The following TBC1D4 variants were observed in gnomAD, a reference collection of about 807,000 sequenced individuals.
TBC1D4 encodes the protein TBC (Tre-2, BUB2, CDC16) domain-containing protein.
Under a neutral mutation model 142.5 loss-of-function variants are expected in TBC1D4, and 121 were observed. That is an observed-to-expected ratio of 0.85 (90% CI 0.73 to 0.99). TBC1D4 has a LOEUF of 0.99. Ranked by LOEUF, TBC1D4 falls within the 50% of genes least tolerant of loss-of-function variation. The pLI is 0.00. For synonymous variants in TBC1D4, 630 were observed against 628.2 expected, an observed-to-expected ratio of 1.00 and a Z score of -0.04; for missense variants, 1,475 against 1,606.6, an observed-to-expected ratio of 0.92 and a Z score of 1.40.
At chr13:75,301,036 T>G (rs1228095528) in intron 16 of TBC1D4, among the ~76,000 whole-genome samples, 1 of 152,222 alleles carries the variant, frequency 6.6e-6, no homozygotes, top group Admixed American at 6.5e-5. Flanking sequence ...AAGAGCCATT[T>G]GTCATCCAAA....
chr13:75,409,315 A>G (rs1885488848), intron 1 of TBC1D4, among the ~76,000 whole-genome samples: 1 of 152,222 alleles, frequency 6.6e-6, no homozygotes, highest in Admixed American at 6.5e-5. Flanking sequence ...TTCTACAACA[A>G]AACCTTTTCT....
At chr13:75,444,127 C>A (rs562101003) in intron 1 of TBC1D4, among the ~76,000 whole-genome samples, 3 of 152,204 alleles carry the variant, frequency 2.0e-5, no homozygotes, top group African/African-American at 7.2e-5. Context: ...TGATACAATT[C>A]TTTTTTCTTT....
chr13:75,347,207 T>A (rs1881220543), intron 5 of TBC1D4, among the ~76,000 whole-genome samples: 1 of 152,218 alleles, frequency 6.6e-6, no homozygotes, highest in South Asian at 2.1e-4. Context: ...CTGATGAGTA[T>A]CTTATTGTTG....
chr13:75,356,452 C>T (rs1350819118), intron 3 of TBC1D4, among the ~76,000 whole-genome samples: 1 of 152,164 alleles, frequency 6.6e-6, no homozygotes, highest in Non-Finnish European at 1.5e-5. Flanking sequence ...CCAACTCAGA[C>T]TGTTTTGCTT....
intron 1 of TBC1D4, among the ~76,000 whole-genome samples, chr13:75,461,158 TCTG>T (rs1313241050): frequency 6.6e-6 from 1 of 152,218 alleles, no homozygotes; most frequent in African/African-American, 2.4e-5. Flanking sequence ...ATCTAACTAT[TCTG>T]CTGTATATTT....
rs530953510 is a variant in TBC1D4, at chr13:75,466,897, T to TA, written c.498+14372dup. 2.6e-3 allele frequency among the ~76,000 whole-genome samples: 383 copies of TA among 147,422 alleles called. 2 individuals are homozygous for TA. The highest frequency in any genetic ancestry group is 4.4e-3 in the Non-Finnish European group (296 of 66,590). On this transcript the variant is annotated intron_variant, in intron 1 of 20. Coordinates refer to ENST00000377636, the MANE Select transcript of TBC1D4 (RefSeq NM_014832.5). Reference sequence around the variant, plus strand: ...AAAAAAATAATAATAATTTAAAAATTAAAAAAAAAACATCTGAAAAATGTA... The same window carrying TA: ...AAAAAAATAATAATAATTTAAAAATTAAAAAAAAAAACATCTGAAAAATGTA...
intron 13 of TBC1D4, among the ~76,000 whole-genome samples, chr13:75,310,522 G>C (rs955802454): frequency 6.6e-6 from 1 of 152,168 alleles, no homozygotes; most frequent in Non-Finnish European, 1.5e-5. Flanking sequence ...AGTGATCTCC[G>C]AAGGTCTACA....
chr13:75,336,003 C>T (rs898875623), intron 8 of TBC1D4, among the ~76,000 whole-genome samples: 7 of 151,998 alleles, frequency 4.6e-5, no homozygotes, highest in African/African-American at 1.7e-4. Flanking sequence ...ATTCTATTTC[C>T]CCTTTTCTAT....
chr13:75,462,358 A>T (rs940912714), intron 1 of TBC1D4, among the ~76,000 whole-genome samples: 5 of 152,106 alleles, frequency 3.3e-5, no homozygotes, highest in African/African-American at 1.2e-4. Flanking sequence ...CAAATTGTAC[A>T]TTACCTCAAA....
In TBC1D4 at chr13:75,341,531, C is replaced by T; in HGVS notation, c.1465G>A (p.Asp489Asn). ...VIQRHLSSLT[D>N]NEQADIFERV... Reference sequence around the variant, plus strand: ...TCAAAGATGTCAGCTTGCTCATTATCTGTCAGTGATGAGAGATGCCTCTGT... The same window carrying T: ...TCAAAGATGTCAGCTTGCTCATTATTTGTCAGTGATGAGAGATGCCTCTGT... The change falls in exon 6 of 21, where the codon GAT becomes AAT. Residue 489 changes from aspartate (D) to asparagine (N), a missense_variant. By Grantham distance (23) the Asp-to-Asn change is conservative. Coordinates refer to ENST00000377636, the MANE Select transcript of TBC1D4 (RefSeq NM_014832.5). The T allele has an allele frequency of 6.2e-7, 1 of 1,614,030 alleles. No homozygotes were observed. Among genetic ancestry groups the T allele is most frequent in the South Asian group, 1.1e-5 (1 of 91,064 alleles).
At chr13:75,422,981 A>C (rs1190115035) in intron 1 of TBC1D4, among the ~76,000 whole-genome samples, 1 of 152,222 alleles carries the variant, frequency 6.6e-6, no homozygotes, top group African/African-American at 2.4e-5. Context: ...TAAACTTCAT[A>C]AATGAGGCCA....
chr13:75,318,268 T>C (rs995300988), intron 12 of TBC1D4, among the ~76,000 whole-genome samples: 8 of 152,274 alleles, frequency 5.3e-5, no homozygotes, highest in Admixed American at 4.6e-4. Context: ...GGTGGTGTTA[T>C]ACTGAGCAGC....
chr13:75,444,642 G>T lies in TBC1D4; in HGVS notation c.498+36628C>A, dbSNP rs140897836. ...TAAAACAACAATGGTACATTCTCCA[G>T]CTTTTCTGTAAGCCACCTTAACACT... On this transcript the variant is annotated intron_variant, in intron 1 of 20. Transcript: ENST00000377636. Among the ~76,000 whole-genome samples, 203 of 152,258 alleles carry T rather than the reference G, an allele frequency of 1.3e-3. 1 individual carries two copies. The highest frequency in any genetic ancestry group is 0.01 in the Middle Eastern group (3 of 294).
At chr13:75,361,420 G>A (rs1257138572) in intron 2 of TBC1D4, among the ~76,000 whole-genome samples, 5 of 151,908 alleles carry the variant, frequency 3.3e-5, no homozygotes, top group African/African-American at 9.7e-5. Flanking sequence ...TCGCTCTGTC[G>A]CCCAGGCTCG....
Position 75,362,745 on chromosome 13 carries a change from G to A in TBC1D4, c.499-138C>T. On this transcript the variant is annotated intron_variant, in intron 1 of 20. Transcript: ENST00000377636. This position sits in a 1 kb window ranked among gnomAD's most constrained non-coding sequence, Gnocchi z 4.2. ...AGTAATAGACACTACACGAGACAGAGCATACACTTACATTATTTGACATAA... is the reference window on the plus strand; with the variant it reads ...AGTAATAGACACTACACGAGACAGAACATACACTTACATTATTTGACATAA... 1.2e-6 allele frequency: 1 copy of A among 849,284 alleles called. No homozygotes were observed. The highest frequency in any genetic ancestry group is 1.8e-6 in the Non-Finnish European group (1 of 550,760). The allele number at this position is 849,284 out of a possible 1,614,324, so 52.6% of individuals were successfully genotyped here.
intron 1 of TBC1D4, among the ~76,000 whole-genome samples, chr13:75,460,687 A>T (rs1047629021): frequency 8.5e-5 from 13 of 152,160 alleles, no homozygotes; most frequent in Non-Finnish European, 1.6e-4. Flanking sequence ...TTGAAAGGCC[A>T]AGGCGGAAGG....
chr13:75,297,193 T>G (rs1170963035), intron 17 of TBC1D4, among the ~76,000 whole-genome samples: 6 of 152,248 alleles, frequency 3.9e-5, no homozygotes, highest in African/African-American at 1.4e-4. Context: ...AAATACTTCT[T>G]GGTACTTACA....
At chr13:75,389,197 A>G (rs943771038) in intron 1 of TBC1D4, among the ~76,000 whole-genome samples, 1 of 152,222 alleles carries the variant, frequency 6.6e-6, no homozygotes, top group Non-Finnish European at 1.5e-5. Context: ...TTAACCTGTC[A>G]TACTTAAAAC....
rs143152142 is a variant in TBC1D4, at chr13:75,384,511, T to C, written c.499-21904A>G. ...CATCCAGTCAACCTGACAGTAACTT[T>C]CCAGTTTCTCCAAAATTCTACTTTA... On this transcript the variant is annotated intron_variant, in intron 1 of 20. Transcript: ENST00000377636. Among the ~76,000 whole-genome samples the C allele has an allele frequency of 3.3e-3, 500 of 150,900 alleles. 14 individuals are homozygous for C. The highest frequency in any genetic ancestry group is 0.023 in the Admixed American group (351 of 15,136).
Sources: gnomAD v4.1 joint callset for allele counts (sites outside exome capture counted in the v4.1 genomes callset) on GRCh38, gnomAD v4.1.1 for gene constraint, Gnocchi (gnomAD v3.1) non-coding constraint, MANE v1.5 for transcripts, NCBI Gene and HGNC (gene_info 2026-07-23, HGNC 2026-07-21) for gene names.